The following WIZ variants were observed in gnomAD, a reference collection of about 807,000 sequenced individuals.
WIZ encodes protein Wiz.
Under a neutral mutation model 140.2 loss-of-function variants are expected in WIZ, and 25 were observed. The ratio of observed to expected loss-of-function variants is 0.18; its 90% CI spans 0.13 to 0.25. WIZ has a LOEUF of 0.25. Among genes scored for constraint, WIZ ranks in the 10% least tolerant of loss-of-function variants. The pLI is 1.00. For synonymous variants in WIZ, 1,125 were observed against 1,154.3 expected, an observed-to-expected ratio of 0.97 and a Z score of 0.51; for missense variants, 2,231 against 2,632.6, an observed-to-expected ratio of 0.85 and a Z score of 3.34.
At position 15,439,622 on chromosome 19, in the gene WIZ, C is replaced by T. The variant is rs747433859; in HGVS notation, c.1372G>A (p.Gly458Arg). The change falls in exon 4 of 13, where the codon GGA becomes AGA. Residue 458 changes from glycine to arginine, a missense_variant. Physicochemically the swap from Gly to Arg is moderately radical, Grantham distance 125. Coordinates refer to ENST00000673675, the MANE Select transcript of WIZ (RefSeq NM_001371589.1). This position sits in a 1 kb window ranked among gnomAD's most constrained non-coding sequence, Gnocchi z 7.0. ...EASALLYQPY[G>R]AAVGLSACVF... ...CAGGCGCTGAGGCCAACGGCAGCTC[C>T]GTAGGGCTGATAGAGGAGGGCGCTG... The T allele has an allele frequency of 7.7e-5, 114 of 1,486,818 alleles. No homozygotes were observed. Among genetic ancestry groups the T allele is most frequent in the South Asian group, 1.0e-4 (8 of 77,930 alleles). The allele number at this position is 1,486,818 out of a possible 1,614,324, so 92.1% of individuals were successfully genotyped here.
At chr19:15,432,531 C>G (rs1228679046) in intron 5 of WIZ, 10 of 167,750 alleles carry the variant, frequency 6.0e-5, no homozygotes, top group Non-Finnish European at 8.0e-5. Context: ...GTGGCGGCGG[C>G]GGCGGGGGTG....
At position 15,442,620 on chromosome 19, in the gene WIZ, G is replaced by T; in HGVS notation, c.278+56C>A. 8.5e-7 allele frequency: 1 copy of T among 1,178,982 alleles called. No individual in the cohort carries two copies. Among genetic ancestry groups the T allele is most frequent in the Non-Finnish European group, 1.1e-6 (1 of 939,512 alleles). The allele number at this position is 1,178,982 out of a possible 1,614,324, so 73.0% of individuals were successfully genotyped here. Reference sequence around the variant, plus strand: ...CCCCAGGGGCTTATCTGAGGCCTGGGCATGTCCTGCTTGCCCCCCTGCCCT... The same window carrying T: ...CCCCAGGGGCTTATCTGAGGCCTGGTCATGTCCTGCTTGCCCCCCTGCCCT... On this transcript the variant is annotated intron_variant, in intron 3 of 12. Coordinates refer to ENST00000673675, the MANE Select transcript of WIZ (RefSeq NM_001371589.1). This position sits in a 1 kb window ranked among gnomAD's most constrained non-coding sequence, Gnocchi z 5.5.
intron 1 of WIZ, 82 bp downstream of exon 1, chr19:15,449,716 G>A (rs1970057421): frequency 7.3e-6 from 1 of 136,226 alleles, no homozygotes; most frequent in Admixed American, 7.5e-5. Flanking sequence ...GGTCCCGCCT[G>A]GCCCGGCCCG....
Position 15,440,241 on chromosome 19 carries a change from C to G in WIZ, c.753G>C (p.Glu251Asp). The stretch of plus-strand genomic sequence containing the variant: ...CCGAGGCTGACGTGGGTAGGCCCCA[C>G]TCGGACGGCTGGGCCAGCCCCTCCA... ...EDLEGLAQPS[E>D]WGLPTSASEV... is the part of the protein sequence containing the mutation. Residue 251 changes from glutamate to aspartate, a missense_variant, in exon 4 of 13, where the codon GAG becomes GAC. This residue lies in a region of WIZ where 307 missense variants were observed against 294.1 expected (regional missense o/e 1.04). Transcript: ENST00000673675. This position sits in a 1 kb window ranked among gnomAD's most constrained non-coding sequence, Gnocchi z 6.2. 5.3e-6 allele frequency: 8 copies of G among 1,496,472 alleles called. No individual in the cohort carries two copies. Among genetic ancestry groups the G allele is most frequent in the Non-Finnish European group, 7.1e-6 (8 of 1,127,170 alleles). 92.7% of individuals were successfully genotyped at this position (1,496,472 alleles called of 1,614,324 possible). A position where few individuals can be genotyped will look rare whatever the true frequency, so the allele number is the denominator to read the frequency against.
rs1968333324 is a variant in WIZ, at chr19:15,420,635, C to G, written c.*2441G>C. The G allele has an allele frequency of 6.6e-6, 1 of 152,346 alleles. No individual in the cohort carries two copies. The highest frequency in any genetic ancestry group is 1.5e-5 in the Non-Finnish European group (1 of 68,054). 9.4% of individuals were successfully genotyped at this position (152,346 alleles called of 1,614,324 possible). A position where few individuals can be genotyped will look rare whatever the true frequency, so the allele number is the denominator to read the frequency against. ...CTGAGGTGTATTGAAGTGGCTTGAG[C>G]AGAGAAGAGCAATGCTCAGAAAGTT... On this transcript the variant is annotated 3_prime_UTR_variant, in exon 13 of 13. Transcript: ENST00000673675.
At chr19:15,434,013 G>A (rs1969417459) in intron 5 of WIZ, among the ~76,000 whole-genome samples, 1 of 152,196 alleles carries the variant, frequency 6.6e-6, no homozygotes, top group Non-Finnish European at 1.5e-5. Context: ...CCAGCACTTT[G>A]GGAGGCCAAG....
At position 15,427,615 on chromosome 19, in the gene WIZ, C is replaced by T. The variant is rs1599662506; in HGVS notation, c.3815-82G>A. The T allele has an allele frequency of 1.6e-5, 24 of 1,459,964 alleles. No homozygotes were observed. Among genetic ancestry groups the T allele is most frequent in the Middle Eastern group, 2.0e-4 (1 of 4,934 alleles). 90.4% of individuals were successfully genotyped at this position (1,459,964 alleles called of 1,614,324 possible). On this transcript the variant is annotated intron_variant, in intron 8 of 12. Coordinates refer to ENST00000673675, the MANE Select transcript of WIZ (RefSeq NM_001371589.1). The surrounding 1 kb of genome is among the most constrained non-coding windows in gnomAD (Gnocchi z 6.4). ...TGCAGGAGTGTCCTGGTCGGCTGGGCGTGGGCGGCAGCAGCACGCCCACAG... is the reference window on the plus strand; with the variant it reads ...TGCAGGAGTGTCCTGGTCGGCTGGGTGTGGGCGGCAGCAGCACGCCCACAG...
At chr19:15,448,428 C>T (rs1232930983) in intron 1 of WIZ, 61 bp from the exon 2 acceptor site, 13 of 1,298,012 alleles carry the variant, frequency 1.0e-5, no homozygotes, top group Non-Finnish European at 1.4e-5. Flanking sequence ...CCTCAGTTTC[C>T]CATCCCTCAA....
rs749432380 is a variant in WIZ at position 15,427,417 on chromosome 19, C to G, written c.3931G>C (p.Glu1311Gln). Reference protein sequence around the residue: ...RSHLRQMGVTEWYVNGSPIDT... With the variant: ...RSHLRQMGVTQWYVNGSPIDT... ...ATGGGCGAGCCATTGACGTACCACT[C>G]GGTCACGCCCATTTGCCGCAGATGG... Residue 1311 changes from glutamate to glutamine, a missense_variant, in exon 9 of 13, where the codon GAG becomes CAG. Transcript: ENST00000673675. This position sits in a 1 kb window ranked among gnomAD's most constrained non-coding sequence, Gnocchi z 6.4. The G allele has an allele frequency of 3.2e-5, 51 of 1,613,614 alleles. No individual in the cohort carries two copies. Among genetic ancestry groups the G allele is most frequent in the Non-Finnish European group, 3.6e-5 (43 of 1,180,018 alleles).
intron 5 of WIZ, 134 bp downstream of exon 5, chr19:15,436,672 C>T (rs1969524806): frequency 1.1e-6 from 1 of 923,902 alleles, no homozygotes; most frequent in Admixed American, 3.9e-5. Flanking sequence ...TAAGGAAAGT[C>T]ATCAACATAC....
intron 5 of WIZ, among the ~76,000 whole-genome samples, chr19:15,432,066 T>TGAGGACTGGGGCACC (rs1307811353): frequency 6.6e-6 from 1 of 151,980 alleles, no homozygotes; most frequent in Non-Finnish European, 1.5e-5. Flanking sequence ...GAGTAGGCGC[T>TGAGGACTGGGGCACC]GAGGACTGGG....
In WIZ at chr19:15,431,184, T is replaced by C; in HGVS notation, c.2741-2A>G. The C allele has an allele frequency of 6.6e-7, 1 of 1,515,148 alleles. No homozygotes were observed. Among genetic ancestry groups the C allele is most frequent in the Non-Finnish European group, 8.8e-7 (1 of 1,133,724 alleles). 93.9% of individuals were successfully genotyped at this position (1,515,148 alleles called of 1,614,324 possible). ...TTGCGTTTTCCTCAGAACCCAGGCC[T>C]GTGGGTTGGGGAGACAGGCTCAGCC... On this transcript the variant is annotated splice_acceptor_variant, in intron 5 of 12. Transcript: ENST00000673675. LOFTEE classifies it high-confidence loss of function.
Position 15,424,541 on chromosome 19 carries a change from C to T in WIZ, c.5314+72G>A, listed in dbSNP as rs147251044. The T allele has an allele frequency of 2.0e-5, 31 of 1,531,012 alleles. No individual in the cohort carries two copies. The highest frequency in any genetic ancestry group is 1.2e-4 in the South Asian group (10 of 80,190). The allele number at this position is 1,531,012 out of a possible 1,614,324, so 94.8% of individuals were successfully genotyped here. Reference sequence around the variant, plus strand: ...AAAGGACTTAAGGGCCACAGCAGAGCGCCTGGGGAGTGGCTGGGTGGGCCT... The same window carrying T: ...AAAGGACTTAAGGGCCACAGCAGAGTGCCTGGGGAGTGGCTGGGTGGGCCT... On this transcript the variant is annotated intron_variant, in intron 11 of 12. Transcript: ENST00000673675. This position sits in a 1 kb window ranked among gnomAD's most constrained non-coding sequence, Gnocchi z 9.7.
intron 5 of WIZ, chr19:15,432,431 T>C (rs954985798): frequency 4.4e-5 from 43 of 982,114 alleles, no homozygotes; most frequent in Non-Finnish European, 5.0e-5. Context: ...CGCGGGCTCT[T>C]ACCGGGCGCG....
In WIZ at chr19:15,427,505, G is replaced by T; in HGVS notation, c.3843C>A (p.Ile1281=). The change falls in exon 9 of 13, where the codon ATC becomes ATA. Residue 1281 remains isoleucine, a synonymous_variant. Transcript: ENST00000673675. The surrounding 1 kb of genome is among the most constrained non-coding windows in gnomAD (Gnocchi z 6.4). ...LSSGPEPARD[I]RCEFCGEFFE... ...AGAACTCACCACAGAACTCGCAGCG[G>T]ATGTCTCGTGCTGGCTCTGGGCCTG... The T allele has an allele frequency of 6.2e-7, 1 of 1,610,812 alleles. No homozygotes were observed. The highest frequency in any genetic ancestry group is 8.5e-7 in the Non-Finnish European group (1 of 1,178,010).
At chr19:15,447,632 A>G (rs1013631165) in intron 2 of WIZ, among the ~76,000 whole-genome samples, 1 of 152,206 alleles carries the variant, frequency 6.6e-6, no homozygotes, top group Non-Finnish European at 1.5e-5. Flanking sequence ...TGGGTAAACC[A>G]AGGGGTAGCC....
chr19:15,438,755 C>T lies in WIZ; in HGVS notation c.2239G>A (p.Glu747Lys), dbSNP rs1489110815. Reference protein sequence around the residue: ...DGDPAMALKHEERKCPYCPDR... With the variant: ...DGDPAMALKHKERKCPYCPDR... Reference sequence around the variant, plus strand: ...GGGCAGTAGGGGCATTTCCGCTCCTCGTGCTTCAGTGCCATGGCCGGATCC... The same window carrying T: ...GGGCAGTAGGGGCATTTCCGCTCCTTGTGCTTCAGTGCCATGGCCGGATCC... Residue 747 changes from glutamate (E) to lysine (K), a missense_variant, in exon 4 of 13, where the codon GAG becomes AAG. Around this residue, in one of 15 missense-constraint regions of WIZ, gnomAD observed 118 missense variants for 209.1 expected, o/e 0.56. Coordinates refer to ENST00000673675, the MANE Select transcript of WIZ (RefSeq NM_001371589.1). 15 of 1,535,688 alleles carry T rather than the reference C, an allele frequency of 9.8e-6. No homozygotes were observed. Among genetic ancestry groups the T allele is most frequent in the Middle Eastern group, 1.7e-4 (1 of 5,990 alleles).
At chr19:15,435,166 C>T (rs1410528184) in intron 5 of WIZ, among the ~76,000 whole-genome samples, 1 of 151,798 alleles carries the variant, frequency 6.6e-6, no homozygotes, top group African/African-American at 2.4e-5. Flanking sequence ...TGCAGTGAGC[C>T]GAGATGGCAC....
chr19:15,443,268 C>T (rs967032477), intron 2 of WIZ, among the ~76,000 whole-genome samples: 6 of 152,326 alleles, frequency 3.9e-5, no homozygotes, highest in Non-Finnish European at 4.4e-5. Flanking sequence ...GACGGCGTTT[C>T]GCCATGTTGG....
Sources: allele counts gnomAD v4.1 joint callset (sites outside exome capture counted in the v4.1 genomes callset), GRCh38; gene constraint gnomAD v4.1.1; regional missense constraint gnomAD v4.1.1; non-coding constraint Gnocchi (gnomAD v3.1); transcripts MANE v1.5; gene names NCBI Gene and HGNC (gene_info 2026-07-23, HGNC 2026-07-21).